ITGA10: variants seen among roughly 807,000 people sequenced by gnomAD.
ITGA10 encodes integrin subunit alpha 10, also known as integrin alpha-10.
A neutral mutation model predicts 145.2 loss-of-function variants in ITGA10; 105 were observed. The ratio of observed to expected loss-of-function variants is 0.72; its 90% confidence interval spans 0.62 to 0.85. The LOEUF (loss-of-function observed/expected upper bound fraction) is 0.85, where lower values mean the gene tolerates loss of function less well. ITGA10 is among the 40% of genes least tolerant of loss of function. ITGA10 has a pLI of 0.00. For missense variants in ITGA10, 1,317 were observed against 1,444.5 expected (o/e 0.91, Z 1.43); for synonymous variants, 506 against 557.8 (o/e 0.91, Z 1.31).
At chr1:145,896,924 T>C in intron 22 of ITGA10, 66 bp from the exon 23 acceptor site, 13 of 1,535,238 alleles carry the variant, frequency 8.5e-6, no homozygotes, top group East Asian at 2.2e-5. Context: ...TCTCTGTTAA[T>C]AGAGGAATCA....
chr1:145,893,873 C>T (rs1267444911), intron 27 of ITGA10, among the ~76,000 whole-genome samples: 1 of 151,924 alleles, frequency 6.6e-6, no homozygotes, highest in Non-Finnish European at 1.5e-5. Context: ...TGGTGCTTTA[C>T]CTGAAATGCA....
In ITGA10 at chr1:145,901,225, T is replaced by C; in HGVS notation, c.1497A>G (p.Gly499=). 1 of 1,614,044 alleles carries C rather than the reference T, an allele frequency of 6.2e-7. No homozygotes were observed. Residue 499 remains glycine (G), a synonymous_variant, in exon 13 of 30, where the codon GGA becomes GGG. Transcript: ENST00000369304. The surrounding 1 kb of genome is among the most constrained non-coding windows in gnomAD (Gnocchi z 4.3). Reference sequence around the variant, plus strand: ...CAGCCACAAGTAAGACATCAGTTGTTCCATCCCTATCTGTATCCAATGGGC... The same window carrying C: ...CAGCCACAAGTAAGACATCAGTTGTCCCATCCCTATCTGTATCCAATGGGC... ...ELCPLDTDRD[G]TTDVLLVAAP...
intron 17 of ITGA10, 33 bp downstream of exon 17, chr1:145,898,903 C>T (rs1553746451): frequency 1.9e-6 from 3 of 1,595,716 alleles, no homozygotes; most frequent in African/African-American, 1.3e-5. Context: ...ATTCTCAGGC[C>T]CTGATGCTAA....
At position 145,901,145 on chromosome 1, in the gene ITGA10, A is replaced by G. The variant is rs1553748147; in HGVS notation, c.1577T>C (p.Leu526Pro). 1.2e-6 allele frequency: 2 copies of G among 1,613,946 alleles called. No homozygotes were observed. The highest frequency in any genetic ancestry group is 1.1e-5 in the South Asian group (1 of 91,080). Residue 526 changes from leucine (L) to proline (P), a missense_variant, in exon 13 of 30, where the codon CTG (leucine) becomes CCG (proline). Leu to Pro is a moderately conservative substitution (Grantham distance 98). Coordinates refer to ENST00000369304, the MANE Select transcript of ITGA10 (RefSeq NM_003637.5). This position sits in a 1 kb window ranked among gnomAD's most constrained non-coding sequence, Gnocchi z 4.3. The stretch of plus-strand genomic sequence containing the variant: ...CCCAGCAAGTCTCACCTGGCCTACC[A>G]GATACACATAAACACGTCCTGTTTC... ...NKETGRVYVY[L>P]VGQQSLLTLQ...
At chr1:145,907,296 T>A in intron 2 of ITGA10, 58 bp downstream of exon 2, 3 of 1,613,448 alleles carry the variant, frequency 1.9e-6, no homozygotes, top group Non-Finnish European at 2.5e-6. Context: ...CTATCTTGCC[T>A]CCCCTTTGTT....
At chr1:145,908,875 C>A (rs1400117747) in intron 1 of ITGA10, among the ~76,000 whole-genome samples, 2 of 152,082 alleles carry the variant, frequency 1.3e-5, no homozygotes, top group Non-Finnish European at 2.9e-5. Flanking sequence ...ATGCCTCAGG[C>A]CCCAGGGACC....
chr1:145,908,474 AC>A (rs1267408992), intron 1 of ITGA10, among the ~76,000 whole-genome samples: 1 of 151,728 alleles, frequency 6.6e-6, no homozygotes, highest in Non-Finnish European at 1.5e-5. Flanking sequence ...TCCCCTACCT[AC>A]CTCCATGGTT....
chr1:145,909,540 TTA>T (rs59886222), intron 1 of ITGA10, among the ~76,000 whole-genome samples: 4 of 129,520 alleles, frequency 3.1e-5, no homozygotes, highest in African/African-American at 6.7e-5. Flanking sequence ...TAATATATAA[TTA>T]TGTTATATAT....
At chr1:145,902,360 C>T in intron 9 of ITGA10, 41 bp from the exon 10 acceptor site, 2 of 1,603,188 alleles carry the variant, frequency 1.2e-6, no homozygotes, top group Non-Finnish European at 1.7e-6. Flanking sequence ...CAGGGGAAGA[C>T]AGTTTCCCCT....
rs2101752788 is a variant in ITGA10, at chr1:145,895,287, A to C, written c.3221T>G (p.Phe1074Cys). The part of the protein sequence containing the change: ...GLLRLVHNEF[F>C]RRAKFKSLTV... ...AGAAAAGGAAAGGCTTACTCTTCGGAAAAATTCATTGTGAACCAGCCTCAA... is the reference window on the plus strand; with the variant it reads ...AGAAAAGGAAAGGCTTACTCTTCGGCAAAATTCATTGTGAACCAGCCTCAA... Residue 1074 changes from phenylalanine (F) to cysteine (C), a missense_variant, in exon 27 of 30, where the codon TTC becomes TGC. Transcript: ENST00000369304. 3 of 1,612,502 alleles carry C rather than the reference A, an allele frequency of 1.9e-6. No homozygotes were observed. The highest frequency in any genetic ancestry group is 2.5e-6 in the Non-Finnish European group (3 of 1,178,618).
Position 145,902,832 on chromosome 1 carries a change from T to C in ITGA10, c.888A>G (p.Arg296=), listed in dbSNP as rs1553749500. 1 of 1,611,744 alleles carries C rather than the reference T, an allele frequency of 6.2e-7. No individual in the cohort carries two copies. Among genetic ancestry groups the C allele is most frequent in the South Asian group, 1.1e-5 (1 of 90,768 alleles). ...PAALKACEAG[R]VTRYGIAVLG... ...TCACTGCAATCCCATAGCGTGTCAC[T>C]CTTCCAGCCTCACAGGCCTTTAGTG... is the stretch of plus-strand genomic sequence containing the variant. Residue 296 remains arginine, a synonymous_variant, in exon 8 of 30, where the codon AGA becomes AGG. Coordinates refer to ENST00000369304, the MANE Select transcript of ITGA10 (RefSeq NM_003637.5).
intron 1 of ITGA10, among the ~76,000 whole-genome samples, chr1:145,909,491 A>G (rs1657577846): frequency 7.5e-6 from 1 of 132,672 alleles, no homozygotes; most frequent in Non-Finnish European, 1.5e-5. Flanking sequence ...TATTATATAT[A>G]ATATATAATT....
chr1:145,903,026 C>CACACACACACACACACACAT, intron 7 of ITGA10, 65 bp from the exon 8 acceptor site: 1 of 85,968 alleles, frequency 1.2e-5, no homozygotes, highest in Non-Finnish European at 1.9e-5. Context: ...CACACACATA[C>CACACACACACACACACACAT]ACACACACAC....
chr1:145,896,659 G>A (rs587654091), intron 23 of ITGA10, 110 bp downstream of exon 23: 104 of 886,862 alleles, frequency 1.2e-4, no homozygotes, highest in East Asian at 4.8e-4. Flanking sequence ...CTGAGCAGCC[G>A]CAAGGGCTTG....
chr1:145,902,244 A>G lies in ITGA10; in HGVS notation c.1149+2T>C. On this transcript the variant is annotated splice_donor_variant, in intron 10 of 29. Transcript: ENST00000369304. LOFTEE classifies it high-confidence loss of function. Reference sequence around the variant, plus strand: ...AGTAATGAAGGGGTCAATCTGTCCAACCTTTAGCCGATGAGTGGAGAAACC... The same window carrying G: ...AGTAATGAAGGGGTCAATCTGTCCAGCCTTTAGCCGATGAGTGGAGAAACC... 1.2e-6 allele frequency: 2 copies of G among 1,614,080 alleles called. No homozygotes were observed. Among genetic ancestry groups the G allele is most frequent in the Non-Finnish European group, 1.7e-6 (2 of 1,179,930 alleles).
At chr1:145,893,388 G>C in intron 28 of ITGA10, 114 bp from the exon 29 acceptor site, 3 of 960,170 alleles carry the variant, frequency 3.1e-6, no homozygotes, top group Non-Finnish European at 4.9e-6. Context: ...GCTACTTAAA[G>C]GAAAGAAACT....
rs782260939 is a variant in ITGA10 at position 145,893,571 on chromosome 1, A to G, written c.3293T>C (p.Leu1098Pro). The G allele has an allele frequency of 3.7e-6, 6 of 1,612,844 alleles. No homozygotes were observed. In the South Asian group the frequency reaches 6.6e-5, roughly 18 times the overall value. ...CCAACGGGAGGCTTCAGTCAGCTGT[A>G]GGACACTGCCCTCTTCGGTTCCCAG... ...FELGTEEGSVLQLTEASRWSE... is the reference protein window; with the variant it reads ...FELGTEEGSVPQLTEASRWSE... Residue 1098 changes from leucine to proline, a missense_variant, in exon 28 of 30, where the codon CTA becomes CCA. Transcript: ENST00000369304.
chr1:145,897,373 C>T (rs1215384853), intron 20 of ITGA10, 34 bp from the exon 21 acceptor site: 13 of 1,610,598 alleles, frequency 8.1e-6, no homozygotes, highest in Non-Finnish European at 1.1e-5. Flanking sequence ...GAAGCTGGAG[C>T]TGGGGCTGCA....
chr1:145,904,243 TG>T (rs782080562), intron 6 of ITGA10, 43 bp from the exon 7 acceptor site: 9 of 1,598,242 alleles, frequency 5.6e-6, no homozygotes, highest in Non-Finnish European at 6.9e-6. Flanking sequence ...GTATGTGAGA[TG>T]GGGGGAGAGG....
Sources: gnomAD v4.1 joint callset for allele counts (sites outside exome capture counted in the v4.1 genomes callset) on GRCh38, gnomAD v4.1.1 for gene constraint, Gnocchi (gnomAD v3.1) non-coding constraint, MANE v1.5 for transcripts, NCBI Gene and HGNC (gene_info 2026-07-23, HGNC 2026-07-21) for gene names.